Variants in STYK1 observed in about 807,000 individuals in gnomAD.
STYK1 encodes tyrosine-protein kinase STYK1.
In STYK1, 46 loss-of-function variants were observed where a neutral mutation model predicts 48.1. The observed-to-expected ratio is 0.96, with a 90% CI of 0.75 to 1.22. The LOEUF (loss-of-function observed/expected upper bound fraction) is 1.22. STYK1 is among the 50% of genes most tolerant of loss of function. The pLI is 0.00. For missense variants in STYK1, 527 were observed against 521.1 expected (o/e 1.01, Z -0.11); for synonymous variants, 188 against 189.0 (o/e 0.99, Z 0.04).
chr12:10,636,022 A>G (rs1347891555), intron 2 of STYK1, among the ~76,000 whole-genome samples: 1 of 152,266 alleles, frequency 6.6e-6, no homozygotes, highest in African/African-American at 2.4e-5. Context: ...TGATAAAAAC[A>G]TAAAACAAAA....
intron 1 of STYK1, among the ~76,000 whole-genome samples, chr12:10,644,757 T>C (rs1006509481): frequency 6.6e-6 from 1 of 152,144 alleles, no homozygotes; most frequent in African/African-American, 2.4e-5. Context: ...GAGGAGATGA[T>C]GAGTTGTTCT....
rs111406168 is a variant in STYK1, at chr12:10,670,049, G to A, written c.-195+3917C>T. On this transcript the variant is annotated intron_variant, in intron 1 of 10. Transcript: ENST00000075503. ...GGTGGGAATGTAAATTAGTACAACCGTTAGGGAAACAGTATGAAAGTTCCT... is the reference window on the plus strand; with the variant it reads ...GGTGGGAATGTAAATTAGTACAACCATTAGGGAAACAGTATGAAAGTTCCT... Among the ~76,000 whole-genome samples, 43 of 152,260 alleles carry A rather than the reference G, an allele frequency of 2.8e-4. 1 individual carries two copies. In the East Asian group the frequency reaches 6.4e-3, roughly 23 times the overall value.
intron 1 of STYK1, among the ~76,000 whole-genome samples, chr12:10,665,410 T>C (rs1467189559): frequency 6.6e-6 from 1 of 152,194 alleles, no homozygotes; most frequent in Non-Finnish European, 1.5e-5. Flanking sequence ...CCAAATTTAC[T>C]GGTGGGGGAA....
In STYK1 at chr12:10,630,876, T is replaced by TA. The variant is rs561551750; in HGVS notation, c.451+168dup. On this transcript the variant is annotated intron_variant, in intron 5 of 10. Coordinates refer to ENST00000075503, the MANE Select transcript of STYK1 (RefSeq NM_018423.3). ...TTCACAAATAAACAATTTGTGTAATTAAAAAAAAAGACACCAAGAAAAACA... is the reference window on the plus strand; with the variant it reads ...TTCACAAATAAACAATTTGTGTAATTAAAAAAAAAAGACACCAAGAAAAACA... Among the ~76,000 whole-genome samples, 297 of 151,096 alleles carry TA rather than the reference T, an allele frequency of 2.0e-3. 1 individual carries two copies. Among genetic ancestry groups the TA allele is most frequent in the African/African-American group, 6.8e-3 (282 of 41,168 alleles).
chr12:10,666,147 G>A (rs1947831535), intron 1 of STYK1, among the ~76,000 whole-genome samples: 2 of 152,266 alleles, frequency 1.3e-5, no homozygotes, highest in South Asian at 4.1e-4. Context: ...ATGTAGGTGA[G>A]GGTCAACCAG....
chr12:10,646,286 A>C (rs1947598347), intron 1 of STYK1, among the ~76,000 whole-genome samples: 1 of 152,228 alleles, frequency 6.6e-6, no homozygotes, highest in Middle Eastern at 3.2e-3. Flanking sequence ...CGATAATGAT[A>C]TGAACAATGA....
chr12:10,637,438 T>G (rs1007027206), intron 1 of STYK1, among the ~76,000 whole-genome samples: 1 of 150,986 alleles, frequency 6.6e-6, no homozygotes, highest in Non-Finnish European at 1.5e-5. Context: ...CCCAGGTTCA[T>G]GCCATTCTCC....
chr12:10,644,331 T>A (rs547515932), intron 1 of STYK1, among the ~76,000 whole-genome samples: 20 of 152,342 alleles, frequency 1.3e-4, no homozygotes, highest in African/African-American at 4.8e-4. Flanking sequence ...AGATAATGTG[T>A]GAATGCAAAA....
At chr12:10,621,765 G>T in intron 10 of STYK1, 111 bp downstream of exon 10, 1 of 877,844 alleles carries the variant, frequency 1.1e-6, no homozygotes, top group Non-Finnish European at 1.8e-6. Context: ...GCTGTACATG[G>T]GTACATATAC....
In STYK1 at chr12:10,624,755, A is replaced by G; in HGVS notation, c.822T>C (p.Tyr274=). The change falls in exon 8 of 11, where the codon TAT becomes TAC. Residue 274 remains tyrosine, a synonymous_variant. Coordinates refer to ENST00000075503, the MANE Select transcript of STYK1 (RefSeq NM_018423.3). ...AGATGGCCCCTCGGGTGTAAACTTCATAAGCCAGGCCTAATCCACAGAGCT... is the reference window on the plus strand; with the variant it reads ...AGATGGCCCCTCGGGTGTAAACTTCGTAAGCCAGGCCTAATCCACAGAGCT... ...TAKLCGLGLA[Y]EVYTRGAISS... 6.2e-7 allele frequency: 1 copy of G among 1,614,184 alleles called. No homozygotes were observed. The highest frequency in any genetic ancestry group is 8.5e-7 in the Non-Finnish European group (1 of 1,180,030).
At chr12:10,648,358 C>T (rs1323773063) in intron 1 of STYK1, among the ~76,000 whole-genome samples, 2 of 151,824 alleles carry the variant, frequency 1.3e-5, no homozygotes, top group Non-Finnish European at 2.9e-5. Context: ...AAAAAAATCA[C>T]AATGGAAACA....
At chr12:10,639,247 T>G (rs2120683942) in intron 1 of STYK1, among the ~76,000 whole-genome samples, 1 of 152,330 alleles carries the variant, frequency 6.6e-6, no homozygotes, top group South Asian at 2.1e-4. Context: ...ATCTGAGAAT[T>G]ACTTGTTACC....
chr12:10,654,951 C>CA (rs145359625), intron 1 of STYK1, among the ~76,000 whole-genome samples: 4,744 of 152,296 alleles, frequency 0.031, 95 homozygotes, highest in Non-Finnish European at 0.043. Context: ...AAAGATCCTT[C>CA]ACTACCTAGT....
rs191907402 is a variant in STYK1 at position 10,631,968 on chromosome 12, C to A, written c.188-660G>T. Among the ~76,000 whole-genome samples, 18 of 152,182 alleles carry A rather than the reference C, an allele frequency of 1.2e-4. No homozygotes were observed. The East Asian group carries it at 2.9e-3, about 24-fold the overall frequency. On this transcript the variant is annotated intron_variant, in intron 4 of 10. Transcript: ENST00000075503. ...TCTAAGTGCTGGGAACAGGAAAAGT[C>A]CAGATTCACCTGAAGATTACTTTCT... is the stretch of plus-strand genomic sequence containing the variant.
intron 1 of STYK1, among the ~76,000 whole-genome samples, chr12:10,653,867 A>G (rs10743912): frequency 0.55 from 83,835 of 152,074 alleles, 23,846 homozygotes; most frequent in East Asian, 0.79. Context: ...GAGCAGCTCC[A>G]TCTTGAACAG....
chr12:10,629,725 A>T (rs1444551330), intron 5 of STYK1, 51 bp from the exon 6 acceptor site: 1 of 1,606,864 alleles, frequency 6.2e-7, no homozygotes, highest in African/African-American at 1.3e-5. Flanking sequence ...ATCCTCGATG[A>T]GTGGGAGGCA....
intron 5 of STYK1, among the ~76,000 whole-genome samples, chr12:10,630,801 T>G (rs935853946): frequency 3.3e-5 from 5 of 152,062 alleles, no homozygotes; most frequent in African/African-American, 1.2e-4. Context: ...CATAACATTA[T>G]GCTTATTTGT....
intron 2 of STYK1, 111 bp from the exon 3 acceptor site, chr12:10,634,797 C>T (rs1947468320): frequency 1.6e-6 from 1 of 626,594 alleles, no homozygotes; most frequent in African/African-American, 1.8e-5. Context: ...AAATGGCTAC[C>T]TCTCTGAGTC....
intron 5 of STYK1, 55 bp from the exon 6 acceptor site, chr12:10,629,729 G>T: frequency 6.2e-7 from 1 of 1,603,018 alleles, no homozygotes. Flanking sequence ...TCGATGAGTG[G>T]GAGGCAGGGA....
Sources: allele counts gnomAD v4.1 joint callset (sites outside exome capture counted in the v4.1 genomes callset), GRCh38; gene constraint gnomAD v4.1.1; transcripts MANE v1.5; gene names NCBI Gene and HGNC (gene_info 2026-07-23, HGNC 2026-07-21).